MAP4: variants seen among roughly 807,000 people sequenced by gnomAD.
MAP4 encodes the protein microtubule-associated protein 4.
A neutral mutation model predicts 170.2 loss-of-function variants in MAP4; 76 were observed. The observed-to-expected ratio is 0.45, with a 90% CI of 0.37 to 0.54. The LOEUF is 0.54. Among genes scored for constraint, MAP4 ranks in the 20% least tolerant of loss-of-function variants. MAP4 has a pLI of 0.00. For missense variants in MAP4, 2,506 were observed against 2,748.0 expected (o/e 0.91, Z 1.97); for synonymous variants, 909 against 994.5 (o/e 0.91, Z 1.62).
intron 3 of MAP4, among the ~76,000 whole-genome samples, chr3:47,951,326 C>G (rs2100063627): frequency 6.7e-6 from 1 of 150,006 alleles, no homozygotes; most frequent in Non-Finnish European, 1.5e-5. Flanking sequence ...CTCTCCCTCT[C>G]CCTCCTCTCC....
chr3:47,910,778 C>CA lies in MAP4; in HGVS notation c.3642dup (p.Glu1215Ter), dbSNP rs2100035587. On this transcript the variant is annotated frameshift_variant, in exon 9 of 21. Transcript: ENST00000683076. LOFTEE classifies it high-confidence loss of function. ...TTTTTAAACTTTTTGCTTTTGCCTT[C>CA]ATTGCCTCTCTTTTTAGGCTTTTCA... is the stretch of plus-strand genomic sequence containing the variant. 1 of 1,535,982 alleles carries CA rather than the reference C, an allele frequency of 6.5e-7. No homozygotes were observed.
intron 1 of MAP4, among the ~76,000 whole-genome samples, chr3:48,083,587 G>A (rs978847394): frequency 1.2e-4 from 18 of 151,830 alleles, no homozygotes; most frequent in African/African-American, 4.1e-4. Flanking sequence ...GGCTGGTCTC[G>A]AACTCCTGAC....
At chr3:47,913,621 C>T (rs1405753827) in intron 8 of MAP4, among the ~76,000 whole-genome samples, 1 of 152,024 alleles carries the variant, frequency 6.6e-6, no homozygotes, top group Non-Finnish European at 1.5e-5. Context: ...ATCTATATGC[C>T]TTAACATGGT....
At chr3:48,050,527 C>A (rs4858887) in intron 1 of MAP4, among the ~76,000 whole-genome samples, 112,232 of 151,480 alleles carry the variant, frequency 0.74, 42,063 homozygotes, top group African/African-American at 0.87. Flanking sequence ...TTTTTCATTT[C>A]TCAGAAAGAT....
intron 1 of MAP4, among the ~76,000 whole-genome samples, chr3:48,052,810 A>G (rs1177534078): frequency 6.6e-6 from 1 of 152,230 alleles, no homozygotes; most frequent in African/African-American, 2.4e-5. Flanking sequence ...CACAAGATGC[A>G]CAGAACGGCT....
chr3:48,046,905 T>C (rs1393380517), intron 1 of MAP4, among the ~76,000 whole-genome samples: 3 of 151,602 alleles, frequency 2.0e-5, no homozygotes, highest in Non-Finnish European at 2.9e-5. Context: ...CCATCCTGGT[T>C]AACACGGTTA....
At chr3:47,989,444 TCTCA>T (rs1314553456) in intron 2 of MAP4, among the ~76,000 whole-genome samples, 6 of 152,200 alleles carry the variant, frequency 3.9e-5, no homozygotes, top group Non-Finnish European at 8.8e-5. Context: ...TAATTGTTAT[TCTCA>T]CTGTTATTAG....
At chr3:47,975,322 AC>A in intron 3 of MAP4, 1 of 1,533,532 alleles carries the variant, frequency 6.5e-7, no homozygotes, top group Non-Finnish European at 8.8e-7. Flanking sequence ...CCGAAGAACT[AC>A]CCTCAGTTTC....
At chr3:48,051,545 C>A (rs531648347) in intron 1 of MAP4, among the ~76,000 whole-genome samples, 12 of 152,170 alleles carry the variant, frequency 7.9e-5, no homozygotes, top group Admixed American at 5.2e-4. Context: ...TCTACACATT[C>A]TTTTTTATGG....
At chr3:47,897,365 G>C (rs893378916) in intron 10 of MAP4, among the ~76,000 whole-genome samples, 9 of 152,120 alleles carry the variant, frequency 5.9e-5, no homozygotes, top group Non-Finnish European at 1.0e-4. Context: ...GACCTCAGGT[G>C]ATCTGCCCAA....
At chr3:47,973,238 C>T in intron 3 of MAP4, 3 of 981,130 alleles carry the variant, frequency 3.1e-6, no homozygotes, top group Non-Finnish European at 3.6e-6. Context: ...CAAAGTTCTA[C>T]ATCTTCAACA....
intron 1 of MAP4, among the ~76,000 whole-genome samples, chr3:48,073,293 AC>A (rs2100141947): frequency 6.9e-6 from 1 of 144,774 alleles, no homozygotes; most frequent in Non-Finnish European, 1.5e-5. Context: ...ACACACACAC[AC>A]ACACACACAC....
intron 2 of MAP4, among the ~76,000 whole-genome samples, chr3:47,979,665 T>C (rs561763618): frequency 1.3e-5 from 2 of 152,228 alleles, no homozygotes; most frequent in South Asian, 4.1e-4. Flanking sequence ...TTCACTATGT[T>C]GGCCAAGCTG....
chr3:48,000,797 T>A (rs1165377035), intron 1 of MAP4, among the ~76,000 whole-genome samples: 1 of 152,238 alleles, frequency 6.6e-6, no homozygotes, highest in Non-Finnish European at 1.5e-5. Flanking sequence ...TCAAGCCACT[T>A]AATTTTCAGG....
rs961121312 is a variant in MAP4 at position 47,923,750 on chromosome 3, G to T, written c.416-1872C>A. On this transcript the variant is annotated intron_variant, in intron 4 of 20. Coordinates refer to ENST00000683076, the MANE Select transcript of MAP4 (RefSeq NM_001385682.1). ...AGGATCACTTGAGCCTGGGGAGGTT[G>T]AGTCTGTGGTGAGCCGTGGTTGTAC... 9.2e-5 allele frequency among the ~76,000 whole-genome samples: 14 copies of T among 152,220 alleles called. No individual in the cohort carries two copies. The East Asian group carries it at 2.7e-3, about 29-fold the overall frequency.
At chr3:48,044,839 C>G (rs916778561) in intron 1 of MAP4, among the ~76,000 whole-genome samples, 2 of 152,050 alleles carry the variant, frequency 1.3e-5, no homozygotes, top group Non-Finnish European at 2.9e-5. Context: ...ATCCCAGCTA[C>G]TCGGGAGGCT....
Position 47,855,347 on chromosome 3 carries a change from G to A in MAP4, c.6597C>T (p.Val2199=). 1 of 1,611,156 alleles carries A rather than the reference G, an allele frequency of 6.2e-7. No individual in the cohort carries two copies. The part of the protein sequence containing the change: ...NIKHKPGGGD[V]KIESQKLNFK... ...AGTTCAACTTCTGACTTTCAATCTT[G>A]ACATCTCCTCCACCTGGAACCACAA... Residue 2199 remains valine (V), a synonymous_variant, in exon 19 of 21, where the codon GTC becomes GTT. Coordinates refer to ENST00000683076, the MANE Select transcript of MAP4 (RefSeq NM_001385682.1). This position sits in a 1 kb window ranked among gnomAD's most constrained non-coding sequence, Gnocchi z 5.1.
rs945287715 is a variant in MAP4, at chr3:47,976,266, G to C, written c.292+1599C>G. Among the ~76,000 whole-genome samples the C allele has an allele frequency of 9.9e-5, 15 of 152,284 alleles. No individual in the cohort carries two copies. The East Asian group carries it at 2.9e-3, about 29-fold the overall frequency. On this transcript the variant is annotated intron_variant, in intron 3 of 20. Transcript: ENST00000683076. ...TTTGTCACAAGGGAATCCTGAAACA[G>C]TGAGGGCCAGGATACAGTTTTTACC...
intron 4 of MAP4, among the ~76,000 whole-genome samples, chr3:47,923,155 G>T (rs1045477241): frequency 6.6e-6 from 1 of 151,944 alleles, no homozygotes; most frequent in Non-Finnish European, 1.5e-5. Flanking sequence ...CTGAAGACTT[G>T]TTAAAAATAA....
Sources: gnomAD v4.1 joint callset for allele counts (sites outside exome capture counted in the v4.1 genomes callset) on GRCh38, gnomAD v4.1.1 for gene constraint, Gnocchi (gnomAD v3.1) non-coding constraint, MANE v1.5 for transcripts, NCBI Gene and HGNC (gene_info 2026-07-23, HGNC 2026-07-21) for gene names.